MATN4: variants seen among roughly 807,000 people sequenced by gnomAD.
The protein encoded by MATN4 is matrilin-4.
Under a neutral mutation model 54.6 loss-of-function variants are expected in MATN4, and 40 were observed. The ratio of observed to expected loss-of-function variants is 0.73; its 90% CI spans 0.57 to 0.95. MATN4 has a LOEUF of 0.95. Among genes scored for constraint, MATN4 ranks in the 40% least tolerant of loss-of-function variants. MATN4 has a pLI of 0.00. For missense variants in MATN4, 810 were observed against 819.1 expected (o/e 0.99, Z 0.13); for synonymous variants, 351 against 345.3 (o/e 1.02, Z -0.18).
intron 2 of MATN4, 62 bp from the exon 3 acceptor site, chr20:45,304,859 C>T: frequency 3.6e-6 from 4 of 1,113,206 alleles, no homozygotes; most frequent in African/African-American, 1.6e-5. Context: ...AGGAGACCCC[C>T]TAGGAAACCC....
In MATN4 at chr20:45,293,815, C is replaced by A. The variant is rs1456330167; in HGVS notation, c.1698G>T (p.Leu566=). The A allele has an allele frequency of 6.2e-6, 10 of 1,611,416 alleles. 1 individual carries two copies. Among genetic ancestry groups the A allele is most frequent in the Non-Finnish European group, 8.5e-6 (10 of 1,179,960 alleles). Residue 566 remains leucine (L), a synonymous_variant, in exon 10 of 10, where the codon CTG becomes CTT. Coordinates refer to ENST00000372756, the MANE Select transcript of MATN4 (RefSeq NM_001393530.1). ...TCTCCAGATCCTCCAGGCGCGCCGT[C>A]AGCTGGGCCAGTGAGCGGTTAAGGA... ...LESLTLNLAQ[L]TARLEDLENQ...
Position 45,304,462 on chromosome 20 carries a change from GCTC to G in MATN4, c.406_408del (p.Glu136del). ...ACGATGACAGCGACACGCGGCACGC[GCTC>G]CTCTGGCGGTCGCGCGCCCTCGGCC... On this transcript the variant is annotated inframe_deletion, in exon 3 of 10. Coordinates refer to ENST00000372756, the MANE Select transcript of MATN4 (RefSeq NM_001393530.1). The G allele has an allele frequency of 6.4e-7, 1 of 1,563,396 alleles. No individual in the cohort carries two copies. The highest frequency in any genetic ancestry group is 8.7e-7 in the Non-Finnish European group (1 of 1,147,822).
chr20:45,308,298 C>A lies in MATN4; in HGVS notation c.-158G>T. 2 of 1,290,240 alleles carry A rather than the reference C, an allele frequency of 1.6e-6. No individual in the cohort carries two copies. The highest frequency in any genetic ancestry group is 2.3e-6 in the Non-Finnish European group (2 of 887,218). 79.9% of individuals were successfully genotyped at this position (1,290,240 alleles called of 1,614,324 possible). A position where few individuals can be genotyped will look rare whatever the true frequency, so the allele number is the denominator to read the frequency against. Reference sequence around the variant, plus strand: ...GCCCTAGGTGGGGACTGCCAGGCAGCTGGAGCACACAGAGGCAACGGCCGC... The same window carrying A: ...GCCCTAGGTGGGGACTGCCAGGCAGATGGAGCACACAGAGGCAACGGCCGC... On this transcript the variant is annotated 5_prime_UTR_variant, in exon 1 of 10. Transcript: ENST00000372756.
At chr20:45,300,782 A>G in intron 6 of MATN4, 105 bp downstream of exon 6, 1 of 1,433,344 alleles carries the variant, frequency 7.0e-7, no homozygotes, top group Non-Finnish European at 9.5e-7. Flanking sequence ...ACACACAGAC[A>G]TTCACACCAC....
chr20:45,303,217 C>T (rs2235228), intron 3 of MATN4, among the ~76,000 whole-genome samples: 7,698 of 152,146 alleles, frequency 0.051, 433 homozygotes, highest in East Asian at 0.32. Context: ...TGGGCTCCCA[C>T]CAGGGACTTA....
intron 5 of MATN4, 40 bp downstream of exon 5, chr20:45,301,062 T>A (rs1287322055): frequency 6.2e-7 from 1 of 1,613,760 alleles, no homozygotes; most frequent in Non-Finnish European, 8.5e-7. Flanking sequence ...CCAGCTAAGA[T>A]CTCTTACCCC....
chr20:45,307,341 T>G (rs1986806561), intron 1 of MATN4, among the ~76,000 whole-genome samples: 2 of 152,118 alleles, frequency 1.3e-5, no homozygotes, highest in Admixed American at 1.3e-4. Flanking sequence ...CAGGCGACCT[T>G]CTCATCCCGG....
intron 3 of MATN4, among the ~76,000 whole-genome samples, chr20:45,302,096 T>C (rs568987444): frequency 6.6e-6 from 1 of 151,842 alleles, no homozygotes; most frequent in African/African-American, 2.4e-5. Context: ...AACGAAGAGG[T>C]TGATTAACAT....
Position 45,293,984 on chromosome 20 carries a change from C to G in MATN4, c.1611G>C (p.Arg537=). 1.2e-6 allele frequency: 2 copies of G among 1,603,230 alleles called. No homozygotes were observed. Residue 537 remains arginine, a synonymous_variant, in exon 9 of 10, where the codon CGG becomes CGC. Coordinates refer to ENST00000372756, the MANE Select transcript of MATN4 (RefSeq NM_001393530.1). ...CGAGGCTTTCGCATTCGCATGGGCT[C>G]CGAAGCTCTGTCCCTGCGCTGATGC... ...EEGISAGTEL[R]SPCECESLVE... is the part of the protein sequence containing the mutation.
chr20:45,297,850 A>G lies in MATN4; in HGVS notation c.1579+68T>C, dbSNP rs182613000. The G allele has an allele frequency of 2.1e-4, 331 of 1,576,428 alleles. 2 individuals carry two copies. The East Asian group carries it at 6.5e-3, about 31-fold the overall frequency. On this transcript the variant is annotated intron_variant, in intron 8 of 9. Coordinates refer to ENST00000372756, the MANE Select transcript of MATN4 (RefSeq NM_001393530.1). ...TAACTACAAAGTGGGCAGGGAGTGA[A>G]TAGGAAGGGGAGATATCAGAGGACG...
intron 6 of MATN4, among the ~76,000 whole-genome samples, chr20:45,299,877 CAAAAAA>C (rs372123175): frequency 2.5e-4 from 1 of 4,056 alleles, no homozygotes; most frequent in African/African-American, 1.0e-3. Context: ...GACTTAGTCT[CAAAAAA>C]AAAAAAAAAA....
At chr20:45,301,284 G>A in intron 4 of MATN4, 37 bp downstream of exon 4, 2 of 1,613,686 alleles carry the variant, frequency 1.2e-6, no homozygotes, top group Non-Finnish European at 8.5e-7. Context: ...GGAGGCCACA[G>A]TCCAGGGTGT....
intron 8 of MATN4, among the ~76,000 whole-genome samples, chr20:45,296,749 GGA>G (rs1278094296): frequency 1.3e-5 from 2 of 152,130 alleles, no homozygotes; most frequent in Admixed American, 1.3e-4. Context: ...GGGGAGGGAA[GGA>G]GAGTTGGGGG....
chr20:45,305,595 C>T lies in MATN4; in HGVS notation c.-13G>A. ...GAAGGCCTCTCATGGCGCTTGGGGA[C>T]AGAGAATGGAGGTGTCAGAGCCTGG... On this transcript the variant is annotated 5_prime_UTR_variant, in exon 2 of 10. Coordinates refer to ENST00000372756, the MANE Select transcript of MATN4 (RefSeq NM_001393530.1). The T allele has an allele frequency of 1.3e-6, 2 of 1,551,084 alleles. No homozygotes were observed. Among genetic ancestry groups the T allele is most frequent in the South Asian group, 2.4e-5 (2 of 84,154 alleles).
At chr20:45,306,970 C>T in intron 1 of MATN4, 2 of 1,247,310 alleles carry the variant, frequency 1.6e-6, no homozygotes, top group Non-Finnish European at 2.0e-6. Context: ...CCCGAGGCCC[C>T]GGAGACGCCC....
In MATN4 at chr20:45,300,969, G is replaced by A. The variant is rs1986187189; in HGVS notation, c.930C>T (p.Phe310=). 3.7e-6 allele frequency: 6 copies of A among 1,614,008 alleles called. No individual in the cohort carries two copies. Among genetic ancestry groups the A allele is most frequent in the Non-Finnish European group, 5.1e-6 (6 of 1,180,012 alleles). Residue 310 remains phenylalanine, a synonymous_variant, in exon 6 of 10, where the codon TTC becomes TTT. Coordinates refer to ENST00000372756, the MANE Select transcript of MATN4 (RefSeq NM_001393530.1). ...AGGAGAGGCCCTCGCTCACACACTG[G>A]AACTCACAGCCATGGTCCACGCCAT... ...LCNGVDHGCE[F]QCVSEGLSYR...
rs758385222 is a variant in MATN4 at position 45,293,946 on chromosome 20, C to T, written c.1649G>A (p.Gly550Asp). 2 of 1,602,662 alleles carry T rather than the reference C, an allele frequency of 1.2e-6. No individual in the cohort carries two copies. The highest frequency in any genetic ancestry group is 1.7e-6 in the Non-Finnish European group (2 of 1,178,984). ...GCTCTCGAGCGCCCCCAGCGTGCGG[C>T]CCTGGAACTCCACGAGGCTTTCGCA... Reference protein sequence around the residue: ...CECESLVEFQGRTLGALESLT... With the variant: ...CECESLVEFQDRTLGALESLT... The change falls in exon 9 of 10, where the codon GGC (glycine) becomes GAC (aspartate). Residue 550 changes from glycine to aspartate, a missense_variant. Transcript: ENST00000372756.
chr20:45,307,793 G>A (rs1040182543), intron 1 of MATN4, among the ~76,000 whole-genome samples: 8 of 152,154 alleles, frequency 5.3e-5, no homozygotes, highest in African/African-American at 1.7e-4. Context: ...TGGCGATGTC[G>A]TGGCAGGACT....
In MATN4 at chr20:45,298,682, C is replaced by T; in HGVS notation, c.1013-99G>A. On this transcript the variant is annotated intron_variant, in intron 6 of 9. Coordinates refer to ENST00000372756, the MANE Select transcript of MATN4 (RefSeq NM_001393530.1). The surrounding 1 kb of genome is among the most constrained non-coding windows in gnomAD (Gnocchi z 4.6). ...TCATTCGCAAACATTTATTATATAA[C>T]AGACAACATTTCCTGAGTCCTTCCT... The T allele has an allele frequency of 1.0e-6, 1 of 954,662 alleles. No individual in the cohort carries two copies. Among genetic ancestry groups the T allele is most frequent in the Non-Finnish European group, 1.5e-6 (1 of 651,700 alleles). 59.1% of individuals were successfully genotyped at this position (954,662 alleles called of 1,614,324 possible). A position where few individuals can be genotyped will look rare whatever the true frequency, so the allele number is the denominator to read the frequency against.
Sources: allele counts gnomAD v4.1 joint callset (sites outside exome capture counted in the v4.1 genomes callset), GRCh38; gene constraint gnomAD v4.1.1; non-coding constraint Gnocchi (gnomAD v3.1); transcripts MANE v1.5; gene names NCBI Gene and HGNC (gene_info 2026-07-23, HGNC 2026-07-21).